The following TIAM2 variants were observed in gnomAD, a reference collection of about 807,000 sequenced individuals.
The protein encoded by TIAM2 is rho guanine nucleotide exchange factor TIAM2.
A neutral mutation model predicts 152.9 loss-of-function variants in TIAM2; 80 were observed. The ratio of observed to expected loss-of-function variants is 0.52; its 90% CI spans 0.44 to 0.63. TIAM2 has a LOEUF of 0.63. Ranked by LOEUF, TIAM2 falls within the 30% of genes least tolerant of loss-of-function variation. TIAM2 has a pLI of 0.00. For missense variants in TIAM2, 1,965 were observed against 2,120.1 expected (o/e 0.93, Z 1.44); for synonymous variants, 804 against 838.0 (o/e 0.96, Z 0.70).
At chr6:155,146,588 AT>A (rs898105795) in intron 6 of TIAM2, among the ~76,000 whole-genome samples, 2 of 151,592 alleles carry the variant, frequency 1.3e-5, no homozygotes, top group African/African-American at 2.4e-5. Context: ...CTTTTAAAAA[AT>A]GTATCATTAT....
intron 1 of TIAM2, among the ~76,000 whole-genome samples, chr6:155,059,319 T>C (rs143486017): frequency 6.0e-5 from 8 of 134,360 alleles, no homozygotes; most frequent in African/African-American, 2.3e-4. Flanking sequence ...TGTGTGTGTG[T>C]GTGTGTGCGC....
Position 155,096,730 on chromosome 6 carries a change from A to C in TIAM2, c.-118+6351A>C, listed in dbSNP as rs554195983. Among the ~76,000 whole-genome samples, 16 of 152,310 alleles carry C rather than the reference A, an allele frequency of 1.1e-4. No homozygotes were observed. The East Asian group carries it at 3.1e-3, about 29-fold the overall frequency. On this transcript the variant is annotated intron_variant, in intron 2 of 26. Coordinates refer to ENST00000682666, the MANE Select transcript of TIAM2 (RefSeq NM_012454.4). ...TAATAATCCATTATGTATATATACC[A>C]CATTTTCTTGACCCATTCATCTCTT...
intron 2 of TIAM2, among the ~76,000 whole-genome samples, chr6:155,104,047 C>A (rs1215051953): frequency 1.0e-5 from 1 of 96,060 alleles, no homozygotes; most frequent in Non-Finnish European, 2.2e-5. Flanking sequence ...CACACCCCCC[C>A]CCCCACACCC....
rs1784058990 is a variant in TIAM2 at position 155,256,699 on chromosome 6, A to T, written c.4684A>T (p.Ile1562Phe). ...CTTGGCAGATTTTGCCGACAATCTC[A>T]TCAAAGAGAGTGACATCCTGAGCGA... ...PGLADFADNL[I>F]KESDILSDED... is the part of the protein sequence containing the mutation. The change falls in exon 27 of 27, where the codon ATC (isoleucine) becomes TTC (phenylalanine). Residue 1562 changes from isoleucine to phenylalanine, a missense_variant. Transcript: ENST00000682666. 1 of 1,613,084 alleles carries T rather than the reference A, an allele frequency of 6.2e-7. No individual in the cohort carries two copies. Among genetic ancestry groups the T allele is most frequent in the East Asian group, 2.2e-5 (1 of 44,874 alleles).
At chr6:155,136,552 G>T (rs1182730641) in intron 4 of TIAM2, among the ~76,000 whole-genome samples, 1 of 152,134 alleles carries the variant, frequency 6.6e-6, no homozygotes, top group Non-Finnish European at 1.5e-5. Context: ...AGAATTACAA[G>T]CATGAGCCAC....
intron 15 of TIAM2, among the ~76,000 whole-genome samples, chr6:155,227,750 A>G (rs1782298832): frequency 6.6e-6 from 1 of 152,212 alleles, no homozygotes; most frequent in Non-Finnish European, 1.5e-5. Flanking sequence ...ACCCCCGTCG[A>G]CAAGAGGAAT....
Position 155,245,711 on chromosome 6 carries a change from T to C in TIAM2, c.3632T>C (p.Val1211Ala). Residue 1211 changes from valine to alanine, a missense_variant, in exon 19 of 27, where the codon GTA becomes GCA. Val to Ala is a moderately conservative substitution (Grantham distance 64, BLOSUM62 0). This residue lies in a region of TIAM2 where 935 missense variants were observed against 980.0 expected (regional missense o/e 0.95). Coordinates refer to ENST00000682666, the MANE Select transcript of TIAM2 (RefSeq NM_012454.4). The stretch of plus-strand genomic sequence containing the variant: ...GGATTCTGTGCTAACCATATCAAAG[T>C]ACAGAAGGTTCTGGAGCGAGGTAAG... ...YSGFCANHIK[V>A]QKVLERAKTD... 1 of 1,609,282 alleles carries C rather than the reference T, an allele frequency of 6.2e-7. No individual in the cohort carries two copies. The highest frequency in any genetic ancestry group is 8.5e-7 in the Non-Finnish European group (1 of 1,177,214).
chr6:155,007,037 G>C (rs996007272), intron 1 of TIAM2, among the ~76,000 whole-genome samples: 1 of 152,172 alleles, frequency 6.6e-6, no homozygotes, highest in Non-Finnish European at 1.5e-5. Flanking sequence ...TGTTGCTCAG[G>C]CTGGTCTACT....
At chr6:155,042,169 T>C (rs1339560279) in intron 1 of TIAM2, among the ~76,000 whole-genome samples, 3 of 151,856 alleles carry the variant, frequency 2.0e-5, no homozygotes, top group Non-Finnish European at 4.4e-5. Flanking sequence ...GCCTCAGGTG[T>C]CATAATCCTC....
chr6:155,231,192 A>G (rs1782460809), intron 15 of TIAM2, among the ~76,000 whole-genome samples: 1 of 152,050 alleles, frequency 6.6e-6, no homozygotes, highest in Admixed American at 6.5e-5. Flanking sequence ...TGGTCAGCAG[A>G]TGTTGGTCTC....
intron 26 of TIAM2, 47 bp from the exon 27 acceptor site, chr6:155,256,437 T>C (rs994328039): frequency 6.2e-7 from 1 of 1,612,950 alleles, no homozygotes; most frequent in Non-Finnish European, 8.5e-7. Flanking sequence ...TTACACATTG[T>C]GTAACCTGTT....
rs1562294264 is a variant in TIAM2, at chr6:155,028,366, AATATATATACTGTGTTACATATATACTAC to A, written c.-209+32898_-209+32926del. On this transcript the variant is annotated intron_variant, in intron 1 of 26. Coordinates refer to ENST00000682666, the MANE Select transcript of TIAM2 (RefSeq NM_012454.4). The stretch of plus-strand genomic sequence containing the variant: ...ACTGTGTTACATATATACTACATAT[AATATATATACTGTGTTACATATATACTAC>A]ATATATATACTGTGTTACATATACT... Among the ~76,000 whole-genome samples the A allele has an allele frequency of 1.8e-4, 20 of 112,300 alleles. 1 individual carries two copies. Among genetic ancestry groups the A allele is most frequent in the African/African-American group, 3.2e-4 (8 of 25,016 alleles). 73.7% of individuals were successfully genotyped at this position (112,300 alleles called of 152,430 possible).
Position 155,056,805 on chromosome 6 carries a change from C to T in TIAM2, c.-208-33484C>T, listed in dbSNP as rs111609281. On this transcript the variant is annotated intron_variant, in intron 1 of 26. Coordinates refer to ENST00000682666, the MANE Select transcript of TIAM2 (RefSeq NM_012454.4). ...TTGATACCTTATTATTAACTAAAGC[C>T]CATATTCGATTCTCATTTCCTCTCT... Among the ~76,000 whole-genome samples, 1,323 of 151,644 alleles carry T rather than the reference C, an allele frequency of 8.7e-3. 18 individuals carry two copies. The highest frequency in any genetic ancestry group is 0.03 in the African/African-American group (1,262 of 41,382).
rs1405157799 is a variant in TIAM2, at chr6:155,184,163, A to G, written c.3064+663A>G. On this transcript the variant is annotated intron_variant, in intron 14 of 26. Transcript: ENST00000682666. ...ACCACCATGCCTCGCTAATTTTTGC[A>G]TTTTTAGTAGAGGTGGGGTTTCAGC... 3.3e-5 allele frequency among the ~76,000 whole-genome samples: 5 copies of G among 152,102 alleles called. No individual in the cohort carries two copies. The East Asian group carries it at 7.8e-4, about 24-fold the overall frequency.
At position 155,214,354 on chromosome 6, in the gene TIAM2, T is replaced by TG. The variant is rs1427809438; in HGVS notation, c.3168+3049dup. Among the ~76,000 whole-genome samples the TG allele has an allele frequency of 6.6e-6, 1 of 152,208 alleles. No individual in the cohort carries two copies. On this transcript the variant is annotated intron_variant, in intron 15 of 26. Transcript: ENST00000682666. The surrounding 1 kb of genome is among the most constrained non-coding windows in gnomAD (Gnocchi z 5.4). ...ACCATGTGGCATACCTTTTGGGGGT[T>TG]GGTGACATCCCCTGTGTGTGAGGGA...
rs1398350107 is a variant in TIAM2 at position 155,211,248 on chromosome 6, CAG to C, written c.3111_3112del (p.Gln1037HisfsTer22). The C allele has an allele frequency of 6.2e-7, 1 of 1,613,480 alleles. No homozygotes were observed. The highest frequency in any genetic ancestry group is 1.3e-5 in the African/African-American group (1 of 74,898). On this transcript the variant is annotated frameshift_variant, in exon 15 of 27. Transcript: ENST00000682666. LOFTEE classifies it high-confidence loss of function. ...PDITTGLKRSQTDGTLDQVSH... is the reference protein window; with the variant it reads ...PDITTGLKRSXTDGTLDQVSH... ...TATCACAACAGGTCTGAAAAGGAGT[CAG>C]ACAGATGGCACTCTGGATCAGGTTT...
chr6:155,111,616 C>A (rs1319713008), intron 2 of TIAM2, among the ~76,000 whole-genome samples: 1 of 152,212 alleles, frequency 6.6e-6, no homozygotes, highest in East Asian at 1.9e-4. Context: ...TCTGAAGTTT[C>A]TGTGATAGGA....
At chr6:155,155,861 G>A (rs1166996923) in intron 7 of TIAM2, among the ~76,000 whole-genome samples, 2 of 152,222 alleles carry the variant, frequency 1.3e-5, no homozygotes, top group Non-Finnish European at 2.9e-5. Context: ...AGGCAAATGT[G>A]CACAGACTGG....
intron 14 of TIAM2, among the ~76,000 whole-genome samples, chr6:155,205,196 AAAAAAAAAAAAAAAAAAAAAAAAAG>A (rs1367087315): frequency 8.0e-6 from 1 of 125,648 alleles, no homozygotes; most frequent in African/African-American, 2.8e-5. Flanking sequence ...AAAAAAAAAA[AAAAAAAAAAAAAAAAAAAAAAAAAG>A]TCATCTTGTA....
Sources: allele counts gnomAD v4.1 joint callset (sites outside exome capture counted in the v4.1 genomes callset), GRCh38; gene constraint gnomAD v4.1.1; regional missense constraint gnomAD v4.1.1; non-coding constraint Gnocchi (gnomAD v3.1); transcripts MANE v1.5; gene names NCBI Gene and HGNC (gene_info 2026-07-23, HGNC 2026-07-21).